The following RIT2 variants were observed in gnomAD, a reference collection of about 807,000 sequenced individuals.
RIT2 encodes the protein Ras like without CAAX 2.
Under a neutral mutation model 23.7 loss-of-function variants are expected in RIT2, and 24 were observed. The observed-to-expected ratio is 1.01, with a 90% CI of 0.73 to 1.43. RIT2 has a LOEUF of 1.43. Ranked by LOEUF, RIT2 falls within the 40% of genes most tolerant of loss-of-function variation. The pLI is 0.00. For missense variants in RIT2, 236 were observed against 266.9 expected (o/e 0.88, Z 0.81); for synonymous variants, 107 against 91.1 (o/e 1.17, Z -0.99).
chr18:43,079,514 G>T (rs1480948471), intron 1 of RIT2, among the ~76,000 whole-genome samples: 1 of 152,070 alleles, frequency 6.6e-6, no homozygotes, highest in Non-Finnish European at 1.5e-5. Flanking sequence ...TTTCCTATAG[G>T]ACTAGTGTAT....
chr18:42,939,130 C>T (rs541962832), intron 3 of RIT2, among the ~76,000 whole-genome samples: 155 of 152,144 alleles, frequency 1.0e-3, no homozygotes, highest in Non-Finnish European at 1.7e-3. Context: ...TTATTGAGAA[C>T]GTAAGAAAGC....
intron 1 of RIT2, among the ~76,000 whole-genome samples, chr18:43,070,540 G>A (rs892661059): frequency 2.0e-5 from 3 of 152,198 alleles, no homozygotes; most frequent in African/African-American, 4.8e-5. Flanking sequence ...GAAACATGAT[G>A]AGCTAAGAAT....
At chr18:42,827,849 C>T (rs898624648) in intron 4 of RIT2, among the ~76,000 whole-genome samples, 2 of 151,312 alleles carry the variant, frequency 1.3e-5, no homozygotes, top group Admixed American at 6.6e-5. Context: ...ACTAAAAATA[C>T]AAAAAATTAG....
intron 2 of RIT2, among the ~76,000 whole-genome samples, chr18:42,992,088 C>A (rs1410164880): frequency 6.6e-6 from 1 of 152,032 alleles, no homozygotes; most frequent in African/African-American, 2.4e-5. Context: ...CTCCTTCCCT[C>A]CGTGTCTCTA....
intron 4 of RIT2, among the ~76,000 whole-genome samples, chr18:42,757,997 A>G (rs998684743): frequency 1.3e-5 from 2 of 148,374 alleles, no homozygotes; most frequent in African/African-American, 2.5e-5. Context: ...GGGCTGAATA[A>G]CCTTTTTTTT....
chr18:42,771,685 AT>A (rs1340243382), intron 4 of RIT2, among the ~76,000 whole-genome samples: 3 of 151,908 alleles, frequency 2.0e-5, no homozygotes, highest in Non-Finnish European at 2.9e-5. Context: ...AACAATTTAG[AT>A]TTTTTTCTAG....
chr18:42,800,794 G>A (rs1905517725), intron 4 of RIT2, among the ~76,000 whole-genome samples: 1 of 152,118 alleles, frequency 6.6e-6, no homozygotes, highest in Non-Finnish European at 1.5e-5. Flanking sequence ...GCCTCCCAGA[G>A]TGCTGGGATT....
intron 1 of RIT2, among the ~76,000 whole-genome samples, chr18:43,040,457 T>G (rs1246167773): frequency 6.6e-6 from 1 of 152,172 alleles, no homozygotes; most frequent in East Asian, 1.9e-4. Context: ...ACCATTGTGT[T>G]CTATGGAGTC....
chr18:42,759,937 A>T (rs1378821274), intron 4 of RIT2, among the ~76,000 whole-genome samples: 3 of 151,966 alleles, frequency 2.0e-5, no homozygotes, highest in Non-Finnish European at 4.4e-5. Flanking sequence ...GCCACCACGC[A>T]TAGCAAATTT....
intron 1 of RIT2, among the ~76,000 whole-genome samples, chr18:43,083,857 T>C (rs1434129630): frequency 6.6e-6 from 1 of 152,060 alleles, no homozygotes; most frequent in Non-Finnish European, 1.5e-5. Flanking sequence ...CAAAAAGCAA[T>C]GGCAACACAA....
intron 4 of RIT2, among the ~76,000 whole-genome samples, chr18:42,914,371 G>A (rs1275389376): frequency 6.6e-6 from 1 of 151,972 alleles, no homozygotes; most frequent in Non-Finnish European, 1.5e-5. Flanking sequence ...CTTCATAATA[G>A]CACCAAACTG....
At chr18:42,899,377 A>G (rs976163475) in intron 4 of RIT2, among the ~76,000 whole-genome samples, 4 of 151,470 alleles carry the variant, frequency 2.6e-5, no homozygotes, top group African/African-American at 9.7e-5. Flanking sequence ...CTGGAGGGAG[A>G]GATCAATAAT....
intron 4 of RIT2, among the ~76,000 whole-genome samples, chr18:42,900,115 C>A: frequency 6.6e-6 from 1 of 151,900 alleles, no homozygotes; most frequent in East Asian, 1.9e-4. Flanking sequence ...CATTATATGT[C>A]TTAATCTAAA....
intron 2 of RIT2, among the ~76,000 whole-genome samples, chr18:42,984,682 T>C (rs574123863): frequency 6.6e-6 from 1 of 152,162 alleles, no homozygotes; most frequent in East Asian, 1.9e-4. Flanking sequence ...TATCTAAAAC[T>C]AAAAAGTTTA....
intron 3 of RIT2, among the ~76,000 whole-genome samples, chr18:42,959,211 T>C (rs927518270): frequency 1.3e-5 from 2 of 152,210 alleles, no homozygotes; most frequent in Non-Finnish European, 2.9e-5. Flanking sequence ...TATTAACTAT[T>C]TCTATTGCTT....
At chr18:43,016,554 G>A (rs571376182) in intron 2 of RIT2, among the ~76,000 whole-genome samples, 4 of 151,628 alleles carry the variant, frequency 2.6e-5, no homozygotes, top group East Asian at 3.9e-4. Flanking sequence ...AAAATAAGAC[G>A]TTTTATCCCC....
intron 3 of RIT2, among the ~76,000 whole-genome samples, chr18:42,946,672 C>T (rs1909734517): frequency 6.6e-6 from 1 of 151,874 alleles, no homozygotes; most frequent in Non-Finnish European, 1.5e-5. Flanking sequence ...CTATGAAAGA[C>T]CTAGAAACTA....
At chr18:42,832,823 T>C (rs1376705294) in intron 4 of RIT2, among the ~76,000 whole-genome samples, 1 of 151,742 alleles carries the variant, frequency 6.6e-6, no homozygotes, top group African/African-American at 2.4e-5. Flanking sequence ...GAGGCTGAGG[T>C]GGGCAGATCA....
intron 2 of RIT2, among the ~76,000 whole-genome samples, chr18:42,976,620 A>T (rs1186409898): frequency 6.6e-6 from 1 of 152,094 alleles, no homozygotes; most frequent in African/African-American, 2.4e-5. Flanking sequence ...AAGATGAGGA[A>T]GTCACCTTAT....
Sources: gnomAD v4.1 joint callset for allele counts (sites outside exome capture counted in the v4.1 genomes callset) on GRCh38, gnomAD v4.1.1 for gene constraint, MANE v1.5 for transcripts, NCBI Gene and HGNC (gene_info 2026-07-23, HGNC 2026-07-21) for gene names.